Variants in MAGI3 observed in about 807,000 individuals in gnomAD.
The protein encoded by MAGI3 is membrane-associated guanylate kinase, WW and PDZ domain-containing protein 3.
In MAGI3, 43 loss-of-function variants were observed where a neutral mutation model predicts 121.8. The observed-to-expected ratio is 0.35, with a 90% CI of 0.28 to 0.46. The LOEUF (loss-of-function observed/expected upper bound fraction) is 0.46. Among genes scored for constraint, MAGI3 ranks in the 20% least tolerant of loss-of-function variants. The pLI, the probability that MAGI3 is intolerant of heterozygous loss-of-function variation, is 1.00. For synonymous variants in MAGI3, 553 were observed against 639.3 expected, an observed-to-expected ratio of 0.86 and a Z score of 2.04; for missense variants, 1,547 against 1,797.3, an observed-to-expected ratio of 0.86 and a Z score of 2.52.
At chr1:113,670,304 C>T (rs1462345827) in intron 16 of MAGI3, among the ~76,000 whole-genome samples, 1 of 152,184 alleles carries the variant, frequency 6.6e-6, no homozygotes, top group African/African-American at 2.4e-5. Flanking sequence ...ATACAAGAAA[C>T]TTTTCAATAA....
chr1:113,643,653 T>A, intron 10 of MAGI3, 90 bp from the exon 11 acceptor site: 1 of 1,222,062 alleles, frequency 8.2e-7, no homozygotes, highest in East Asian at 2.3e-5. Context: ...GTACTAAAAG[T>A]TGAAGCTAGT....
intron 12 of MAGI3, 136 bp from the exon 13 acceptor site, chr1:113,649,101 A>G: frequency 1.7e-6 from 1 of 597,666 alleles, no homozygotes; most frequent in East Asian, 3.0e-5. Context: ...ACTCTTGTGC[A>G]AATTTTCCAT....
At chr1:113,636,908 G>A (rs1570976383) in intron 9 of MAGI3, among the ~76,000 whole-genome samples, 1 of 152,246 alleles carries the variant, frequency 6.6e-6, no homozygotes, top group Middle Eastern at 3.4e-3. Context: ...GAATCTGGGT[G>A]CTCCTGTATT....
chr1:113,671,491 C>T (rs936899426), intron 16 of MAGI3, among the ~76,000 whole-genome samples: 20 of 152,118 alleles, frequency 1.3e-4, no homozygotes, highest in African/African-American at 4.3e-4. Context: ...GACTAAAACA[C>T]AGGTGAAAAT....
chr1:113,503,309 G>GAAA (rs59331456), intron 1 of MAGI3, among the ~76,000 whole-genome samples: 17 of 36,124 alleles, frequency 4.7e-4, no homozygotes, highest in Non-Finnish European at 5.4e-4. Flanking sequence ...CCTGTCTCAG[G>GAAA]AAAAAAAAAA....
In MAGI3 at chr1:113,641,039, TAA is replaced by T. The variant is rs1196905806; in HGVS notation, c.1361-871_1361-870del. Among the ~76,000 whole-genome samples, 597 of 125,618 alleles carry T rather than the reference TAA, an allele frequency of 4.8e-3. 14 individuals are homozygous for T. The highest frequency in any genetic ancestry group is 6.5e-3 in the Non-Finnish European group (404 of 62,444). The allele number at this position is 125,618 out of a possible 152,430, so 82.4% of individuals were successfully genotyped here. A position where few individuals can be genotyped will look rare whatever the true frequency, so the allele number is the denominator to read the frequency against. On this transcript the variant is annotated intron_variant, in intron 9 of 20. Coordinates refer to ENST00000307546, the MANE Select transcript of MAGI3 (RefSeq NM_001142782.2). ...TGATATATAATATATATGATATATA[TAA>T]TATATATGATATATTATATATGATA...
At chr1:113,662,897 A>C (rs960743704) in intron 16 of MAGI3, among the ~76,000 whole-genome samples, 1 of 151,800 alleles carries the variant, frequency 6.6e-6, no homozygotes, top group Non-Finnish European at 1.5e-5. Context: ...TTTAATTGGG[A>C]TAGACTTCAT....
chr1:113,426,438 C>A (rs1006688440), intron 1 of MAGI3, among the ~76,000 whole-genome samples: 1 of 152,092 alleles, frequency 6.6e-6, no homozygotes, highest in Non-Finnish European at 1.5e-5. Context: ...TTCAAAATAA[C>A]CTTGCTGATT....
At position 113,390,978 on chromosome 1, in the gene MAGI3, G is replaced by A. The variant is rs955598506; in HGVS notation, c.-56G>A. The A allele has an allele frequency of 6.2e-6, 9 of 1,460,994 alleles. No individual in the cohort carries two copies. The highest frequency in any genetic ancestry group is 5.1e-5 in the Admixed American group (2 of 39,598). The allele number at this position is 1,460,994 out of a possible 1,614,324, so 90.5% of individuals were successfully genotyped here. A position where few individuals can be genotyped will look rare whatever the true frequency, so the allele number is the denominator to read the frequency against. On this transcript the variant is annotated 5_prime_UTR_variant, in exon 1 of 21. Transcript: ENST00000307546. ...GGGCCCCCGGGCTGAGACGGGGCCG[G>A]AGCGGCGCCCCGGCCGCCCGCGCGG...
At chr1:113,408,340 A>G (rs1171660394) in intron 1 of MAGI3, among the ~76,000 whole-genome samples, 3 of 152,302 alleles carry the variant, frequency 2.0e-5, no homozygotes, top group East Asian at 1.9e-4. Context: ...AATTGAATCA[A>G]TAGCTAGTAG....
chr1:113,641,040 A>ATATGATATATAATATATATGATATATT (rs1557868915), intron 9 of MAGI3, among the ~76,000 whole-genome samples: 1 of 76,496 alleles, frequency 1.3e-5, no homozygotes. Flanking sequence ...TGATATATAT[A>ATATGATATATAATATATATGATATATT]ATATATATGA....
rs191177037 is a variant in MAGI3, at chr1:113,595,862, C to G, written c.1018+1302C>G. Among the ~76,000 whole-genome samples, 5 of 152,244 alleles carry G rather than the reference C, an allele frequency of 3.3e-5. No homozygotes were observed. The East Asian group carries it at 9.7e-4, about 29-fold the overall frequency. ...CCTGGGCAACAGGGTGAAACCCTGT[C>G]TCTACTAAAAGTACAAAAACTCACT... On this transcript the variant is annotated intron_variant, in intron 6 of 20. Coordinates refer to ENST00000307546, the MANE Select transcript of MAGI3 (RefSeq NM_001142782.2).
rs1246896477 is a variant in MAGI3 at position 113,666,176 on chromosome 1, G to A, written c.2816-5558G>A. ...CTGATTTGGGTGGTAGTTACTGAAG[G>A]TTGAGGTGGCTGTAGCAATTTCTTA... On this transcript the variant is annotated intron_variant, in intron 16 of 20. Transcript: ENST00000307546. 3.3e-5 allele frequency among the ~76,000 whole-genome samples: 5 copies of A among 152,176 alleles called. 1 individual carries two copies. The highest frequency in any genetic ancestry group is 1.2e-4 in the African/African-American group (5 of 41,432).
intron 6 of MAGI3, among the ~76,000 whole-genome samples, chr1:113,602,589 T>C (rs1353078848): frequency 6.6e-6 from 1 of 152,012 alleles, no homozygotes. Flanking sequence ...GTTAGTGGAA[T>C]AAAAGAAATA....
At chr1:113,430,809 C>A (rs1000282657) in intron 1 of MAGI3, among the ~76,000 whole-genome samples, 3 of 152,166 alleles carry the variant, frequency 2.0e-5, no homozygotes, top group Admixed American at 2.0e-4. Context: ...GTAACTTCTA[C>A]AACAGTTGTT....
At chr1:113,557,654 C>A (rs1385455338) in intron 2 of MAGI3, among the ~76,000 whole-genome samples, 1 of 152,168 alleles carries the variant, frequency 6.6e-6, no homozygotes, top group Non-Finnish European at 1.5e-5. Context: ...ACCTGTAGGC[C>A]TTGGAGAGCC....
intron 6 of MAGI3, among the ~76,000 whole-genome samples, chr1:113,603,019 TG>T (rs1176280329): frequency 6.6e-6 from 1 of 152,046 alleles, no homozygotes; most frequent in Non-Finnish European, 1.5e-5. Context: ...GACAAAAAGC[TG>T]GTTATTTGAA....
At chr1:113,525,310 T>G (rs1658400602) in intron 1 of MAGI3, among the ~76,000 whole-genome samples, 1 of 152,132 alleles carries the variant, frequency 6.6e-6, no homozygotes, top group Non-Finnish European at 1.5e-5. Context: ...AAGAATCACA[T>G]TTGCTTTAGT....
chr1:113,440,421 C>A (rs759878129), intron 1 of MAGI3, among the ~76,000 whole-genome samples: 9 of 152,124 alleles, frequency 5.9e-5, no homozygotes, highest in Non-Finnish European at 1.2e-4. Flanking sequence ...TGTGAAGTTG[C>A]AGGTGTTACA....
Sources: gnomAD v4.1 joint callset for allele counts (sites outside exome capture counted in the v4.1 genomes callset) on GRCh38, gnomAD v4.1.1 for gene constraint, MANE v1.5 for transcripts, NCBI Gene and HGNC (gene_info 2026-07-23, HGNC 2026-07-21) for gene names.